The following IRAK4 variants were observed in gnomAD, a reference collection of about 807,000 sequenced individuals.
IRAK4 encodes the protein interleukin-1 receptor-associated kinase 4.
Under a neutral mutation model 51.8 loss-of-function variants are expected in IRAK4, and 44 were observed. The observed-to-expected ratio is 0.85, with a 90% CI of 0.67 to 1.09. The LOEUF (loss-of-function observed/expected upper bound fraction) is 1.09. IRAK4 is among the 50% of genes least tolerant of loss of function. IRAK4 has a pLI of 0.00. For synonymous variants in IRAK4, 149 were observed against 174.1 expected (o/e 0.86, Z 1.13); for missense variants, 487 against 538.0 (o/e 0.91, Z 0.94).
intron 1 of IRAK4, 96 bp from the exon 2 acceptor site, chr12:43,768,007 A>G: frequency 1.2e-6 from 1 of 849,084 alleles, no homozygotes; most frequent in Admixed American, 2.1e-5. Flanking sequence ...TCAGTTGCTG[A>G]CATTTCATAT....
In IRAK4 at chr12:43,771,317, C is replaced by A. The variant is rs1447810321; in HGVS notation, c.259C>A (p.Leu87Ile). 1 of 1,614,156 alleles carries A rather than the reference C, an allele frequency of 6.2e-7. No homozygotes were observed. The highest frequency in any genetic ancestry group is 1.1e-5 in the South Asian group (1 of 91,086). ...TTGCACAGTTGGTGATCTTGTGGATCTTTTGATCCAAAATGAATTTTTTGC... is the reference window on the plus strand; with the variant it reads ...TTGCACAGTTGGTGATCTTGTGGATATTTTGATCCAAAATGAATTTTTTGC... Reference protein sequence around the residue: ...TNCTVGDLVDLLIQNEFFAPA... With the variant: ...TNCTVGDLVDILIQNEFFAPA... The change falls in exon 3 of 12, where the codon CTT becomes ATT. Residue 87 changes from leucine to isoleucine, a missense_variant. Transcript: ENST00000613694.
intron 3 of IRAK4, 46 bp from the exon 4 acceptor site, chr12:43,772,134 A>G (rs745335453): frequency 6.8e-7 from 1 of 1,476,560 alleles, no homozygotes; most frequent in Non-Finnish European, 9.4e-7. Context: ...TTTCACAACC[A>G]CTTTTTCTTA....
chr12:43,780,394 G>A (rs1941673033), intron 8 of IRAK4, among the ~76,000 whole-genome samples: 2 of 152,066 alleles, frequency 1.3e-5, no homozygotes, highest in Non-Finnish European at 2.9e-5. Flanking sequence ...TTAAAAGGGA[G>A]AGGATAGTAT....
chr12:43,776,570 G>A (rs1941291488), intron 6 of IRAK4, among the ~76,000 whole-genome samples: 1 of 152,202 alleles, frequency 6.6e-6, no homozygotes, highest in Non-Finnish European at 1.5e-5. Flanking sequence ...ACGTTTCTAG[G>A]CTGTCATGTT....
chr12:43,773,734 A>G (rs1331271376), intron 5 of IRAK4: 2 of 337,684 alleles, frequency 5.9e-6, no homozygotes, highest in African/African-American at 2.1e-5. Flanking sequence ...GTGTTATTTC[A>G]TTTTGTTTCC....
chr12:43,783,279 CTT>C (rs1941934405), intron 9 of IRAK4, among the ~76,000 whole-genome samples: 1 of 151,650 alleles, frequency 6.6e-6, no homozygotes, highest in South Asian at 2.1e-4. Context: ...TAGTTTTTGT[CTT>C]GAGTATTATA....
intron 10 of IRAK4, among the ~76,000 whole-genome samples, chr12:43,786,150 G>T (rs1378420238): frequency 6.6e-6 from 1 of 151,216 alleles, no homozygotes; most frequent in African/African-American, 2.4e-5. Flanking sequence ...TCTCCTGCCA[G>T]CCTTCCAAGT....
At chr12:43,773,163 T>C in intron 5 of IRAK4, 91 bp downstream of exon 5, 1 of 1,147,588 alleles carries the variant, frequency 8.7e-7, no homozygotes, top group Non-Finnish European at 1.3e-6. Context: ...AAATACATTA[T>C]TTCAGTATGT....
At chr12:43,785,821 G>A (rs144953641) in intron 10 of IRAK4, among the ~76,000 whole-genome samples, 97 of 151,810 alleles carry the variant, frequency 6.4e-4, no homozygotes, top group African/African-American at 2.2e-3. Context: ...ACAAACGTAT[G>A]CTATACAGCA....
intron 5 of IRAK4, among the ~76,000 whole-genome samples, chr12:43,773,632 T>C (rs1940998309): frequency 6.6e-6 from 1 of 152,164 alleles, no homozygotes; most frequent in East Asian, 1.9e-4. Flanking sequence ...TGCAGGGCTT[T>C]TGTAGGGTTT....
intron 3 of IRAK4, 122 bp from the exon 4 acceptor site, chr12:43,772,058 G>A (rs1940822932): frequency 2.7e-6 from 2 of 736,908 alleles, no homozygotes; most frequent in Non-Finnish European, 4.7e-6. Flanking sequence ...TGTGTGCTGT[G>A]AGAATATGAG....
chr12:43,762,932 A>G (rs1939721349), intron 1 of IRAK4, among the ~76,000 whole-genome samples: 1 of 152,208 alleles, frequency 6.6e-6, no homozygotes, highest in African/African-American at 2.4e-5. Context: ...TCTAGATTCA[A>G]AAGAGGTTTC....
rs1286738876 is a variant in IRAK4 at position 43,772,241 on chromosome 12, A to G, written c.369A>G (p.Lys123=). 1.9e-6 allele frequency: 3 copies of G among 1,613,868 alleles called. No homozygotes were observed. Among genetic ancestry groups the G allele is most frequent in the Non-Finnish European group, 2.5e-6 (3 of 1,179,894 alleles). Residue 123 remains lysine, a synonymous_variant, in exon 4 of 12, where the codon AAA becomes AAG. Coordinates refer to ENST00000613694, the MANE Select transcript of IRAK4 (RefSeq NM_016123.4). ...AAGAAGCTATAACAGTTCAGCAAAA[A>G]CAGATGCCTTTCTGTGACAAAGACA... ...PSKEAITVQQ[K]QMPFCDKDRT...
chr12:43,759,872 GAA>G lies in IRAK4; in HGVS notation c.-10+873_-10+874del, dbSNP rs1160443880. On this transcript the variant is annotated intron_variant, in intron 1 of 11. Transcript: ENST00000613694. ...AACAGAGGGAGACTCCGTCTCAAAA[GAA>G]AAAAAAAAAAAAAAAAGCAAACCCT... is the stretch of plus-strand genomic sequence containing the variant. Among the ~76,000 whole-genome samples the G allele has an allele frequency of 1.6e-3, 125 of 76,532 alleles. 1 individual carries two copies. Among genetic ancestry groups the G allele is most frequent in the African/African-American group, 4.0e-3 (112 of 28,028 alleles). 50.2% of individuals were successfully genotyped at this position (76,532 alleles called of 152,430 possible).
At chr12:43,760,652 C>T (rs1939435757) in intron 1 of IRAK4, among the ~76,000 whole-genome samples, 1 of 152,244 alleles carries the variant, frequency 6.6e-6, no homozygotes, top group East Asian at 1.9e-4. Context: ...ACTTTTCCCA[C>T]AGATAGTCCA....
At chr12:43,785,250 G>A (rs923093319) in intron 10 of IRAK4, among the ~76,000 whole-genome samples, 1 of 152,074 alleles carries the variant, frequency 6.6e-6, no homozygotes, top group Admixed American at 6.6e-5. Flanking sequence ...TTATGACATA[G>A]ACATGTTTTG....
chr12:43,773,314 A>G (rs2137954740), intron 5 of IRAK4, among the ~76,000 whole-genome samples: 1 of 152,316 alleles, frequency 6.6e-6, no homozygotes, highest in Admixed American at 6.5e-5. Flanking sequence ...AGATTCACAA[A>G]CTAAAGTTGA....
chr12:43,777,521 C>A, intron 6 of IRAK4, 109 bp from the exon 7 acceptor site: 1 of 873,002 alleles, frequency 1.1e-6, no homozygotes, highest in South Asian at 2.2e-5. Context: ...TAATATATAA[C>A]ATACTATTTT....
chr12:43,788,133 A>G lies in IRAK4; in HGVS notation c.*1418A>G, dbSNP rs1251261330. ...TTTATTATTCAGTAATAGAAAACAA[A>G]TACAGATACTCTCCCATGATGTTTT... On this transcript the variant is annotated 3_prime_UTR_variant, in exon 12 of 12. Transcript: ENST00000613694. The G allele has an allele frequency of 6.6e-6, 1 of 152,210 alleles. No individual in the cohort carries two copies. Among genetic ancestry groups the G allele is most frequent in the African/African-American group, 2.4e-5 (1 of 41,448 alleles). 9.4% of individuals were successfully genotyped at this position (152,210 alleles called of 1,614,324 possible).
Sources: allele counts gnomAD v4.1 joint callset (sites outside exome capture counted in the v4.1 genomes callset), GRCh38; gene constraint gnomAD v4.1.1; transcripts MANE v1.5; gene names NCBI Gene and HGNC (gene_info 2026-07-23, HGNC 2026-07-21).